Variants in GABRR1 observed in about 807,000 individuals in gnomAD.
GABRR1 encodes the protein gamma-aminobutyric acid receptor subunit rho-1.
A neutral mutation model predicts 55.5 loss-of-function variants in GABRR1; 59 were observed. The observed-to-expected ratio is 1.06, with a 90% confidence interval of 0.86 to 1.32. The LOEUF is 1.32. Among genes scored for constraint, GABRR1 ranks in the 40% most tolerant of loss-of-function variants. The pLI is 0.00. For missense variants in GABRR1, 602 were observed against 619.1 expected, an observed-to-expected ratio of 0.97 and a Z score of 0.29; for synonymous variants, 213 against 226.0, an observed-to-expected ratio of 0.94 and a Z score of 0.51.
intron 1 of GABRR1, 94 bp from the exon 2 acceptor site, chr6:89,203,579 T>A: frequency 2.3e-6 from 2 of 879,128 alleles, no homozygotes; most frequent in Non-Finnish European, 3.8e-6. Flanking sequence ...GCTTCAAATC[T>A]ATCCAGAATA....
At chr6:89,179,257 C>G (rs1025948389) in intron 9 of GABRR1, among the ~76,000 whole-genome samples, 194 bp from the exon 10 acceptor site, 14 of 151,840 alleles carry the variant, frequency 9.2e-5, no homozygotes, top group Non-Finnish European at 1.8e-4. Context: ...CTCTTGTCGC[C>G]CAGGCTGGAG....
Position 89,212,234 on chromosome 6 carries a change from C to T in GABRR1, c.122+4967G>A, listed in dbSNP as rs1319879723. 6.3e-6 allele frequency: 2 copies of T among 319,098 alleles called. 1 individual carries two copies. 19.8% of individuals were successfully genotyped at this position (319,098 alleles called of 1,614,324 possible). ...ACCCTGAAGCCAATCAGATTCTGAC[C>T]ATTCTAGCTCCTTGAAAGCTCTCAT... is the stretch of plus-strand genomic sequence containing the variant. On this transcript the variant is annotated intron_variant, in intron 1 of 9. Coordinates refer to ENST00000454853, the MANE Select transcript of GABRR1 (RefSeq NM_002042.5).
At chr6:89,215,847 A>G (rs1772965151) in intron 1 of GABRR1, among the ~76,000 whole-genome samples, 1 of 152,242 alleles carries the variant, frequency 6.6e-6, no homozygotes, top group Admixed American at 6.5e-5. Context: ...TATTTAAAAG[A>G]AAGTCTATTT....
intron 5 of GABRR1, among the ~76,000 whole-genome samples, chr6:89,195,622 T>C (rs1411245288): frequency 6.6e-6 from 1 of 152,232 alleles, no homozygotes; most frequent in Non-Finnish European, 1.5e-5. Flanking sequence ...AAAGGAGAGA[T>C]AGTCTTTTCC....
At position 89,178,611 on chromosome 6, in the gene GABRR1, G is replaced by A. The variant is rs1771611703; in HGVS notation, c.*159C>T. 5 of 631,690 alleles carry A rather than the reference G, an allele frequency of 7.9e-6. No individual in the cohort carries two copies. The South Asian group carries it at 1.0e-4, about 13-fold the overall frequency. The allele number at this position is 631,690 out of a possible 1,614,324, so 39.1% of individuals were successfully genotyped here. On this transcript the variant is annotated 3_prime_UTR_variant, in exon 10 of 10. Coordinates refer to ENST00000454853, the MANE Select transcript of GABRR1 (RefSeq NM_002042.5). The stretch of plus-strand genomic sequence containing the variant: ...ATAAGTGCAAATTAAACCAGTAAGT[G>A]TCTCGTCAATGTAGCTTTGGAAAGC...
At chr6:89,193,567 C>T (rs1772167340) in intron 5 of GABRR1, among the ~76,000 whole-genome samples, 2 of 152,116 alleles carry the variant, frequency 1.3e-5, no homozygotes, top group South Asian at 4.1e-4. Flanking sequence ...CACTCACATC[C>T]AGTGGTGCAC....
chr6:89,211,393 C>T (rs1304302304), intron 1 of GABRR1, among the ~76,000 whole-genome samples: 1 of 152,142 alleles, frequency 6.6e-6, no homozygotes, highest in Non-Finnish European at 1.5e-5. Flanking sequence ...TCCTCTCTCG[C>T]CTTCATCCCA....
intron 1 of GABRR1, among the ~76,000 whole-genome samples, chr6:89,209,392 C>T (rs993466864): frequency 7.9e-5 from 12 of 152,146 alleles, no homozygotes; most frequent in African/African-American, 2.9e-4. Context: ...GACCCTAATG[C>T]CAACATTTTA....
chr6:89,206,573 C>T (rs559910225), intron 1 of GABRR1, among the ~76,000 whole-genome samples: 8 of 152,144 alleles, frequency 5.3e-5, no homozygotes, highest in Non-Finnish European at 8.8e-5. Flanking sequence ...GGCCTTCTGA[C>T]CATCCCACTC....
chr6:89,229,010 T>G (rs1411315665), intron 1 of GABRR1, among the ~76,000 whole-genome samples: 2 of 151,478 alleles, frequency 1.3e-5, no homozygotes. Context: ...CCTTTACCAT[T>G]ATGTAATGGC....
chr6:89,219,989 G>A (rs956667266), upstream of GABRR1, among the ~76,000 whole-genome samples: 9 of 152,114 alleles, frequency 5.9e-5, no homozygotes, highest in Non-Finnish European at 1.2e-4. Context: ...GATGTCTCCC[G>A]AGGTCAATGT....
At chr6:89,219,801 G>A (rs1211723537), upstream of GABRR1, among the ~76,000 whole-genome samples, 1 of 152,146 alleles carries the variant, frequency 6.6e-6, no homozygotes, top group African/African-American at 2.4e-5. Context: ...TGAACCAGTT[G>A]TAACATCTTA....
intron 5 of GABRR1, among the ~76,000 whole-genome samples, chr6:89,193,698 A>C (rs1443559621): frequency 6.6e-6 from 1 of 152,172 alleles, no homozygotes; most frequent in Non-Finnish European, 1.5e-5. Context: ...AAAAAACATA[A>C]ATAATAGCTT....
Position 89,178,847 on chromosome 6 carries a change from T to C in GABRR1, c.1363A>G (p.Ile455Val), listed in dbSNP as rs772099111. The C allele has an allele frequency of 1.2e-6, 2 of 1,614,182 alleles. No individual in the cohort carries two copies. Among genetic ancestry groups the C allele is most frequent in the Non-Finnish European group, 8.5e-7 (1 of 1,179,998 alleles). ...AAGATGATCCTGGAGTATTTATCAA[T>C]GGCGTGGGTGTCGATTCTCATGCTC... ...YVSMRIDTHA[I>V]DKYSRIIFPA... The change falls in exon 10 of 10, where the codon ATT becomes GTT. Residue 455 changes from isoleucine (I) to valine (V), a missense_variant. This residue lies in a region of GABRR1 where 139 missense variants were observed against 141.1 expected (regional missense o/e 0.99). Transcript: ENST00000454853.
intron 6 of GABRR1, among the ~76,000 whole-genome samples, chr6:89,188,942 G>A (rs1368387384): frequency 6.6e-6 from 1 of 151,988 alleles, no homozygotes; most frequent in African/African-American, 2.4e-5. Flanking sequence ...GGCAACTGTT[G>A]TCAAACTTGT....
chr6:89,191,571 C>T (rs920372033), intron 5 of GABRR1, among the ~76,000 whole-genome samples: 1 of 152,166 alleles, frequency 6.6e-6, no homozygotes, highest in African/African-American at 2.4e-5. Context: ...AATGGGTCTT[C>T]CCACCCTGAG....
intron 5 of GABRR1, among the ~76,000 whole-genome samples, chr6:89,196,834 A>AGAAAGAAAGAAAGAAG (rs1772298588): frequency 2.1e-5 from 2 of 96,546 alleles, no homozygotes; most frequent in African/African-American, 8.6e-5. Context: ...AAAGAAAGAA[A>AGAAAGAAAGAAAGAAG]GAAAGAAAGA....
intron 1 of GABRR1, among the ~76,000 whole-genome samples, chr6:89,216,472 T>G (rs1029085283): frequency 6.6e-6 from 1 of 152,212 alleles, no homozygotes; most frequent in Admixed American, 6.5e-5. Context: ...TCCTGTATTA[T>G]TGACTGATGC....
chr6:89,179,651 T>G (rs555451848), intron 9 of GABRR1, among the ~76,000 whole-genome samples: 1 of 152,376 alleles, frequency 6.6e-6, no homozygotes, highest in South Asian at 2.1e-4. Flanking sequence ...TAAGCTGTTA[T>G]GAGCCCTTGA....
Sources: allele counts gnomAD v4.1 joint callset (sites outside exome capture counted in the v4.1 genomes callset), GRCh38; gene constraint gnomAD v4.1.1; regional missense constraint gnomAD v4.1.1; transcripts MANE v1.5; gene names NCBI Gene and HGNC (gene_info 2026-07-23, HGNC 2026-07-21).